The following KBTBD2 variants were observed in gnomAD, a reference collection of about 807,000 sequenced individuals.
KBTBD2 encodes the protein kelch repeat and BTB domain-containing protein 2.
In KBTBD2, 17 loss-of-function variants were observed where a neutral mutation model predicts 57.1. The ratio of observed to expected loss-of-function variants is 0.30; its 90% CI spans 0.20 to 0.45. The LOEUF (loss-of-function observed/expected upper bound fraction) is 0.45. Ranked by LOEUF, KBTBD2 falls within the 20% of genes least tolerant of loss-of-function variation. The pLI is 1.00. For missense variants in KBTBD2, 515 were observed against 750.6 expected (o/e 0.69, Z 3.67); for synonymous variants, 267 against 262.7 (o/e 1.02, Z -0.16).
At chr7:32,884,230 T>C (rs1012164243) in intron 1 of KBTBD2, among the ~76,000 whole-genome samples, 10 of 152,130 alleles carry the variant, frequency 6.6e-5, no homozygotes, top group Admixed American at 6.5e-4. Flanking sequence ...AATAAACTTT[T>C]GGCCAGCTGT....
At chr7:32,878,334 A>G (rs1443510594) in intron 2 of KBTBD2, among the ~76,000 whole-genome samples, 3 of 152,106 alleles carry the variant, frequency 2.0e-5, no homozygotes, top group African/African-American at 4.8e-5. Context: ...TAATCCCAGC[A>G]CTTCGGGAGG....
upstream of KBTBD2, chr7:32,891,979 C>T (rs1784770443): frequency 7.8e-6 from 1 of 128,052 alleles, no homozygotes; most frequent in African/African-American, 3.4e-5. Context: ...CCTGCCGCGC[C>T]CGCCCTCGCC....
chr7:32,872,765 TACTC>T (rs1275763334), intron 3 of KBTBD2, among the ~76,000 whole-genome samples: 2 of 152,326 alleles, frequency 1.3e-5, no homozygotes, highest in African/African-American at 4.8e-5. Flanking sequence ...ACACTTGAAA[TACTC>T]ACGGGAGCAC....
chr7:32,889,317 G>A (rs1308413628), intron 1 of KBTBD2, among the ~76,000 whole-genome samples: 1 of 151,000 alleles, frequency 6.6e-6, no homozygotes, highest in Admixed American at 6.6e-5. Flanking sequence ...AATTACTTGA[G>A]ATCGGCCGTC....
chr7:32,884,547 TG>T (rs1784521513), intron 1 of KBTBD2, among the ~76,000 whole-genome samples: 1 of 151,200 alleles, frequency 6.6e-6, no homozygotes, highest in Admixed American at 6.6e-5. Context: ...AAAATTAGCC[TG>T]GTGTGATGGT....
chr7:32,880,364 G>A (rs184280574), intron 1 of KBTBD2, among the ~76,000 whole-genome samples: 38 of 151,904 alleles, frequency 2.5e-4, no homozygotes, highest in Admixed American at 2.4e-3. Context: ...GAGATTTCTC[G>A]TTCTCCGAAT....
intron 1 of KBTBD2, among the ~76,000 whole-genome samples, chr7:32,887,513 C>A (rs948343290): frequency 9.2e-5 from 14 of 152,074 alleles, no homozygotes; most frequent in Admixed American, 8.5e-4. Context: ...CAATTATTTG[C>A]CAACTAAAAA....
rs1424408240 is a variant in KBTBD2 at position 32,870,747 on chromosome 7, TCCA to T, written c.467_469del (p.Val156del). ...ATGATACACAGCAGTGAACTTGTGC[TCCA>T]CCATTCTTTTAGCACTCTGTTTTAA... is the stretch of plus-strand genomic sequence containing the variant. On this transcript the variant is annotated inframe_deletion, in exon 4 of 4. Transcript: ENST00000304056. The T allele has an allele frequency of 6.2e-7, 1 of 1,614,110 alleles. No homozygotes were observed. Among genetic ancestry groups the T allele is most frequent in the Non-Finnish European group, 8.5e-7 (1 of 1,180,042 alleles).
rs1784100016 is a variant in KBTBD2, at chr7:32,869,104, CATG to C, written c.*238_*240del. ...TAGATAATCCAGATTCTTATACTCT[CATG>C]ATTACACATAAAGTTTCTCAATTAT... On this transcript the variant is annotated 3_prime_UTR_variant, in exon 4 of 4. Coordinates refer to ENST00000304056, the MANE Select transcript of KBTBD2 (RefSeq NM_015483.3). The C allele has an allele frequency of 2.4e-6, 1 of 413,816 alleles. No individual in the cohort carries two copies. The highest frequency in any genetic ancestry group is 2.0e-5 in the African/African-American group (1 of 49,900). The allele number at this position is 413,816 out of a possible 1,614,324, so 25.6% of individuals were successfully genotyped here.
chr7:32,878,776 G>T (rs1424072947), intron 2 of KBTBD2, among the ~76,000 whole-genome samples: 1 of 152,112 alleles, frequency 6.6e-6, no homozygotes. Context: ...TCTATGCCTT[G>T]GCTTCTATTC....
chr7:32,890,156 C>A (rs1784694178), intron 1 of KBTBD2, among the ~76,000 whole-genome samples: 2 of 152,288 alleles, frequency 1.3e-5, no homozygotes, highest in South Asian at 4.1e-4. Flanking sequence ...GACTACAGAG[C>A]ATGCTCAACA....
At chr7:32,877,570 A>G (rs1267009748) in intron 2 of KBTBD2, among the ~76,000 whole-genome samples, 2 of 152,232 alleles carry the variant, frequency 1.3e-5, no homozygotes, top group Non-Finnish European at 2.9e-5. Flanking sequence ...GTATAGGAGC[A>G]TTAGATGTAA....
intron 1 of KBTBD2, among the ~76,000 whole-genome samples, chr7:32,880,687 T>C (rs1583784229): frequency 6.6e-6 from 1 of 152,214 alleles, no homozygotes; most frequent in Admixed American, 6.5e-5. Flanking sequence ...AAGGGATTTA[T>C]CTGGAAGAAT....
rs761935530 is a variant in KBTBD2, at chr7:32,879,621, T to C, written c.-17A>G. ...AGTGGACATGACTGTATTCCATTAA[T>C]ATCTCCAGGAACAGATTAGAAAAGT... On this transcript the variant is annotated 5_prime_UTR_variant, in exon 2 of 4. It adds an upstream start codon to the 5' untranslated region. Transcript: ENST00000304056. 8.7e-6 allele frequency: 14 copies of C among 1,607,138 alleles called. No homozygotes were observed. In the South Asian group the frequency reaches 1.3e-4, roughly 15 times the overall value.
rs766702230 is a variant in KBTBD2 at position 32,869,539 on chromosome 7, G to T, written c.1678C>A (p.Arg560=). The T allele has an allele frequency of 1.2e-6, 2 of 1,614,098 alleles. No individual in the cohort carries two copies. The highest frequency in any genetic ancestry group is 2.2e-5 in the East Asian group (1 of 44,880). Residue 560 remains arginine, a synonymous_variant, in exon 4 of 4, where the codon CGG becomes AGG. Coordinates refer to ENST00000304056, the MANE Select transcript of KBTBD2 (RefSeq NM_015483.3). The part of the protein sequence containing the change: ...VTYQYDLELD[R]WSLRQHISER... ...GATATATGCTGCCGCAGAGACCACC[G>T]GTCAAGTTCCAGGTCATATTGGTAG...
At chr7:32,882,190 T>C (rs1247002992) in intron 1 of KBTBD2, among the ~76,000 whole-genome samples, 1 of 152,182 alleles carries the variant, frequency 6.6e-6, no homozygotes, top group Non-Finnish European at 1.5e-5. Context: ...TCTAGAAATA[T>C]ATTTTACAGA....
intron 2 of KBTBD2, among the ~76,000 whole-genome samples, chr7:32,876,280 G>A (rs369742550): frequency 2.0e-5 from 3 of 152,224 alleles, no homozygotes. Context: ...GGCCCCTCAA[G>A]GACAGAGATG....
intron 1 of KBTBD2, among the ~76,000 whole-genome samples, chr7:32,886,828 A>AT (rs1193120077): frequency 6.6e-6 from 1 of 152,238 alleles, no homozygotes; most frequent in Non-Finnish European, 1.5e-5. Context: ...TGACCATGAA[A>AT]TTGTTTTACA....
At chr7:32,891,278 G>C (rs1247354688) in intron 1 of KBTBD2, 2 of 148,890 alleles carry the variant, frequency 1.3e-5, no homozygotes, top group East Asian at 2.0e-4. Context: ...GGCGTACCGG[G>C]CCGCCCCTTC....
Sources: allele counts gnomAD v4.1 joint callset (sites outside exome capture counted in the v4.1 genomes callset), GRCh38; gene constraint gnomAD v4.1.1; transcripts MANE v1.5; gene names NCBI Gene and HGNC (gene_info 2026-07-23, HGNC 2026-07-21).